The following DHRS1 variants were observed in gnomAD, a reference collection of about 807,000 sequenced individuals.
DHRS1 encodes the protein dehydrogenase/reductase SDR family member 1.
In DHRS1, 34 loss-of-function variants were observed where a neutral mutation model predicts 35.2. The ratio of observed to expected loss-of-function variants is 0.97; its 90% CI spans 0.74 to 1.29. The LOEUF (loss-of-function observed/expected upper bound fraction) is 1.29. DHRS1 is among the 50% of genes most tolerant of loss of function. The pLI, the probability that DHRS1 is intolerant of heterozygous loss-of-function variation, is 0.00. For missense variants in DHRS1, 354 were observed against 403.6 expected (o/e 0.88, Z 1.05); for synonymous variants, 133 against 160.0 (o/e 0.83, Z 1.27).
rs778492442 is a variant in DHRS1 at position 24,296,869 on chromosome 14, C to T, written c.163G>A (p.Gly55Arg). 3.7e-6 allele frequency: 6 copies of T among 1,614,058 alleles called. No individual in the cohort carries two copies. Among genetic ancestry groups the T allele is most frequent in the Admixed American group, 1.7e-5 (1 of 60,006 alleles). Residue 55 changes from glycine (G) to arginine (R), a missense_variant, in exon 3 of 9, where the codon GGG (glycine) becomes AGG (arginine). Transcript: ENST00000288111. ...CACACCACAGGCACACATTGGCCCC[C>T]GAGGGATTGTGCCTGGAGTAGGACA... ...RVVAQEAQSLGGQCVPVVCDS... is the reference protein window; with the variant it reads ...RVVAQEAQSLRGQCVPVVCDS...
chr14:24,291,815 C>A, intron 6 of DHRS1, 190 bp from the exon 7 acceptor site: 1 of 642,060 alleles, frequency 1.6e-6, no homozygotes, highest in Non-Finnish European at 2.7e-6. Context: ...CAGGTGAGCC[C>A]TGTGCCCTGG....
At chr14:24,298,896 G>C (rs558748230) in intron 2 of DHRS1, 61 bp downstream of exon 2, 28 of 1,533,372 alleles carry the variant, frequency 1.8e-5, no homozygotes, top group Non-Finnish European at 2.5e-5. Flanking sequence ...GAAAGGAGCT[G>C]TTAAGTGGAA....
At position 24,292,252 on chromosome 14, in the gene DHRS1, C is replaced by A; in HGVS notation, c.586G>T (p.Val196Leu). 6.2e-7 allele frequency: 1 copy of A among 1,614,200 alleles called. No homozygotes were observed. The highest frequency in any genetic ancestry group is 8.5e-7 in the Non-Finnish European group (1 of 1,180,036). ...TGCTCCTTCAGCAGTTCTGTCTGCA[C>A]AATCCCCGGCCACAGAGACACACAG... is the stretch of plus-strand genomic sequence containing the variant. ...VSCVSLWPGIVQTELLKEHMA... is the reference protein window; with the variant it reads ...VSCVSLWPGILQTELLKEHMA... The change falls in exon 6 of 9, where the codon GTG becomes TTG. Residue 196 changes from valine to leucine, a missense_variant. Val to Leu is a conservative substitution (Grantham distance 32, BLOSUM62 1). Coordinates refer to ENST00000288111, the MANE Select transcript of DHRS1 (RefSeq NM_001136050.3).
In DHRS1 at chr14:24,299,700, A is replaced by C; in HGVS notation, c.-144T>G. On this transcript the variant is annotated 5_prime_UTR_variant, in exon 1 of 9. Transcript: ENST00000288111. The stretch of plus-strand genomic sequence containing the variant: ...GTTCAAGGATTGATTCTGTAGTAGG[A>C]CCCGGGGCGATTCTGTGCTGAGGTA... 2.2e-6 allele frequency: 1 copy of C among 460,246 alleles called. No individual in the cohort carries two copies. Among genetic ancestry groups the C allele is most frequent in the Non-Finnish European group, 3.8e-6 (1 of 259,886 alleles). 28.5% of individuals were successfully genotyped at this position (460,246 alleles called of 1,614,324 possible).
In DHRS1 at chr14:24,291,565, A is replaced by G. The variant is rs569068131; in HGVS notation, c.715T>C (p.Leu239=). 1 of 1,614,188 alleles carries G rather than the reference A, an allele frequency of 6.2e-7. No homozygotes were observed. Among genetic ancestry groups the G allele is most frequent in the Admixed American group, 1.7e-5 (1 of 60,018 alleles). ...TGCCCCCAAACTTCACCTGTTGCCAAAGCCACCACACATTTGCCACTCAAT... is the reference window on the plus strand; with the variant it reads ...TGCCCCCAAACTTCACCTGTTGCCAGAGCCACCACACATTTGCCACTCAAT... ...TELSGKCVVA[L]ATDPNILSLS... Residue 239 remains leucine (L), a synonymous_variant, in exon 7 of 9, where the codon TTG becomes CTG. Transcript: ENST00000288111.
chr14:24,295,211 A>C (rs2041229226), intron 4 of DHRS1, among the ~76,000 whole-genome samples: 1 of 152,224 alleles, frequency 6.6e-6, no homozygotes, highest in African/African-American at 2.4e-5. Flanking sequence ...AAAAATCTGA[A>C]AGAATATATG....
chr14:24,295,863 G>A (rs1044777670), intron 4 of DHRS1, among the ~76,000 whole-genome samples: 1 of 152,180 alleles, frequency 6.6e-6, no homozygotes, highest in African/African-American at 2.4e-5. Flanking sequence ...CGATAATCTC[G>A]TGGTTACTCC....
chr14:24,298,107 G>A (rs956930890), intron 2 of DHRS1, among the ~76,000 whole-genome samples: 4 of 152,068 alleles, frequency 2.6e-5, no homozygotes, highest in African/African-American at 9.7e-5. Flanking sequence ...GTGCAGTGGT[G>A]CAATCATAGC....
intron 4 of DHRS1, chr14:24,294,289 T>C (rs2041210636): frequency 1.3e-5 from 2 of 152,034 alleles, no homozygotes; most frequent in Non-Finnish European, 2.9e-5. Flanking sequence ...TTTCTGTGTA[T>C]ATAAAGAGCA....
chr14:24,296,664 G>C, intron 3 of DHRS1, 74 bp downstream of exon 3: 1 of 1,613,486 alleles, frequency 6.2e-7, no homozygotes, highest in Non-Finnish European at 8.5e-7. Flanking sequence ...AAGGGACAAT[G>C]AGTGGGGATG....
intron 2 of DHRS1, among the ~76,000 whole-genome samples, chr14:24,298,054 AT>A (rs879290154): frequency 3.4e-5 from 5 of 148,332 alleles, no homozygotes; most frequent in Admixed American, 1.3e-4. Context: ...TTTAATTAAA[AT>A]TTTTTTTTTT....
At chr14:24,296,630 G>A (rs189521265) in intron 3 of DHRS1, 42 bp from the exon 4 acceptor site, 3 of 1,613,766 alleles carry the variant, frequency 1.9e-6, no homozygotes, top group East Asian at 2.2e-5. Context: ...TGAAGGTAGG[G>A]AGGTGTGAGG....
intron 4 of DHRS1, chr14:24,293,490 CTT>C (rs2041197204): frequency 1.3e-5 from 2 of 152,296 alleles, no homozygotes; most frequent in Admixed American, 1.3e-4. Flanking sequence ...AGGAGGATCT[CTT>C]GAGCCCAGGA....
At chr14:24,294,049 C>G (rs1040556904) in intron 4 of DHRS1, 4 of 152,054 alleles carry the variant, frequency 2.6e-5, no homozygotes, top group Non-Finnish European at 4.4e-5. Flanking sequence ...GGAATTGGGT[C>G]TCTGCCTCGT....
At chr14:24,296,433 G>T (rs2041248377) in intron 4 of DHRS1, 76 bp downstream of exon 4, 1 of 1,363,322 alleles carries the variant, frequency 7.3e-7, no homozygotes, top group Non-Finnish European at 1.0e-6. Context: ...AAAGGAGAGG[G>T]CATGTAAGGA....
In DHRS1 at chr14:24,296,799, A is replaced by G; in HGVS notation, c.233T>C (p.Val78Ala). 1.2e-6 allele frequency: 2 copies of G among 1,614,236 alleles called. No homozygotes were observed. Among genetic ancestry groups the G allele is most frequent in the Non-Finnish European group, 1.7e-6 (2 of 1,180,046 alleles). ...ESEVRSLFEQ[V>A]DREQQGRLDV... ...TAGACGCCCTTGCTGTTCCCGATCC[A>G]CTTGCTCAAACAGGCTTCGCACTTC... Residue 78 changes from valine to alanine, a missense_variant, in exon 3 of 9, where the codon GTG (valine) becomes GCG (alanine). Transcript: ENST00000288111.
At chr14:24,294,608 A>AACAACC (rs1232373696) in intron 4 of DHRS1, 1 of 151,982 alleles carries the variant, frequency 6.6e-6, no homozygotes, top group Non-Finnish European at 1.5e-5. Context: ...CAACAACAAC[A>AACAACC]ACAACAACAA....
At chr14:24,296,427 G>T in intron 4 of DHRS1, 82 bp downstream of exon 4, 1 of 1,333,230 alleles carries the variant, frequency 7.5e-7, no homozygotes, top group Non-Finnish European at 1.1e-6. Context: ...GAGGGAAAAG[G>T]AGAGGGCATG....
chr14:24,299,521 G>C (rs2041326446), intron 1 of DHRS1, 60 bp downstream of exon 1: 1 of 211,700 alleles, frequency 4.7e-6, no homozygotes, highest in African/African-American at 2.3e-5. Flanking sequence ...TTCCGGGCCG[G>C]GGATGAGCGC....
Sources: allele counts gnomAD v4.1 joint callset (sites outside exome capture counted in the v4.1 genomes callset), GRCh38; gene constraint gnomAD v4.1.1; transcripts MANE v1.5; gene names NCBI Gene and HGNC (gene_info 2026-07-23, HGNC 2026-07-21).